The following ZNF407 variants were observed in gnomAD, a reference collection of about 807,000 sequenced individuals.
ZNF407 encodes zinc finger protein 407.
ZNF407 carries 17 observed loss-of-function variants against 131.2 expected under a neutral mutation model. The observed-to-expected ratio is 0.13, with a 90% CI of 0.09 to 0.19. The LOEUF (loss-of-function observed/expected upper bound fraction) is 0.19. Among genes scored for constraint, ZNF407 ranks in the 10% least tolerant of loss-of-function variants. The probability of loss-of-function intolerance (pLI) is 1.00; values close to 1 mark genes in which losing one functional copy is unlikely to be tolerated. For missense variants in ZNF407, 2,681 were observed against 2,830.6 expected, an observed-to-expected ratio of 0.95 and a Z score of 1.20; for synonymous variants, 1,156 against 1,062.0, an observed-to-expected ratio of 1.09 and a Z score of -1.72.
intron 4 of ZNF407, among the ~76,000 whole-genome samples, chr18:74,835,270 G>C (rs1265280854): frequency 1.3e-5 from 2 of 152,162 alleles, no homozygotes; most frequent in Non-Finnish European, 2.9e-5. Context: ...AGGTCCAATA[G>C]TTTAAACTGA....
intron 6 of ZNF407, among the ~76,000 whole-genome samples, chr18:74,883,315 A>G (rs1027001659): frequency 2.0e-5 from 3 of 152,242 alleles, no homozygotes; most frequent in Non-Finnish European, 4.4e-5. Flanking sequence ...TGCTGGATTT[A>G]AAATATTTAA....
At chr18:74,703,000 G>C (rs1052817629) in intron 3 of ZNF407, among the ~76,000 whole-genome samples, 1 of 152,210 alleles carries the variant, frequency 6.6e-6, no homozygotes, top group African/African-American at 2.4e-5. Flanking sequence ...TTCAGACCCT[G>C]ATGGTATAGG....
chr18:74,844,680 G>A (rs936176932), intron 4 of ZNF407, among the ~76,000 whole-genome samples: 2 of 151,922 alleles, frequency 1.3e-5, no homozygotes, highest in African/African-American at 4.8e-5. Context: ...ATATAAATTT[G>A]TAAAAATTAC....
intron 7 of ZNF407, among the ~76,000 whole-genome samples, chr18:74,918,214 G>A (rs1971798549): frequency 6.6e-6 from 1 of 152,160 alleles, no homozygotes; most frequent in African/African-American, 2.4e-5. Flanking sequence ...GAATGTGCTA[G>A]TGTCTCTGAT....
intron 3 of ZNF407, among the ~76,000 whole-genome samples, chr18:74,731,747 C>T (rs1450040118): frequency 1.3e-5 from 2 of 152,024 alleles, no homozygotes; most frequent in African/African-American, 4.8e-5. Flanking sequence ...GAGTGAGTGT[C>T]AAAGTCCAGG....
At chr18:74,612,718 T>G (rs977075715) in intron 1 of ZNF407, among the ~76,000 whole-genome samples, 7 of 152,206 alleles carry the variant, frequency 4.6e-5, no homozygotes, top group African/African-American at 1.7e-4. Context: ...CATCTTGCAG[T>G]GACTCTGTGG....
intron 8 of ZNF407, among the ~76,000 whole-genome samples, chr18:74,947,121 C>G (rs898344846): frequency 2.6e-5 from 4 of 152,084 alleles, no homozygotes; most frequent in Non-Finnish European, 5.9e-5. Flanking sequence ...ATGCTGAAAC[C>G]GTTCAGTTCA....
At chr18:74,981,258 C>T (rs1422541433) in intron 8 of ZNF407, among the ~76,000 whole-genome samples, 4 of 152,186 alleles carry the variant, frequency 2.6e-5, no homozygotes, top group African/African-American at 7.2e-5. Flanking sequence ...AGGCGGGGCA[C>T]GGGCAGCGGT....
intron 2 of ZNF407, among the ~76,000 whole-genome samples, chr18:74,637,570 A>G (rs1262774571): frequency 6.6e-6 from 1 of 152,054 alleles, no homozygotes; most frequent in Non-Finnish European, 1.5e-5. Flanking sequence ...AAACACTACC[A>G]AGAGCCCTGT....
At chr18:74,920,009 C>T (rs1212816016) in intron 7 of ZNF407, among the ~76,000 whole-genome samples, 1 of 152,196 alleles carries the variant, frequency 6.6e-6, no homozygotes, top group Non-Finnish European at 1.5e-5. Flanking sequence ...TGCCCAAATA[C>T]TGGAGTTGAG....
chr18:74,673,380 C>A (rs1050180130), intron 3 of ZNF407, among the ~76,000 whole-genome samples: 1 of 152,188 alleles, frequency 6.6e-6, no homozygotes, highest in Non-Finnish European at 1.5e-5. Context: ...CTTGTCCAGG[C>A]GTTTGTGCTC....
intron 8 of ZNF407, among the ~76,000 whole-genome samples, chr18:75,013,484 C>CT (rs939114934): frequency 6.6e-6 from 1 of 151,976 alleles, no homozygotes; most frequent in African/African-American, 2.4e-5. Context: ...GAGGTTTTGT[C>CT]TAAGAGAGAA....
At chr18:74,663,063 A>G (rs1408292048) in intron 3 of ZNF407, among the ~76,000 whole-genome samples, 1 of 152,128 alleles carries the variant, frequency 6.6e-6, no homozygotes, top group East Asian at 1.9e-4. Flanking sequence ...GTTTGGGGAG[A>G]GCATTTTTTG....
chr18:74,777,116 T>C (rs944684604), intron 3 of ZNF407, among the ~76,000 whole-genome samples: 1 of 152,152 alleles, frequency 6.6e-6, no homozygotes, highest in Non-Finnish European at 1.5e-5. Flanking sequence ...GACTCTCAAA[T>C]TGAAATAATT....
At chr18:74,622,040 A>G (rs1475929776) in intron 1 of ZNF407, among the ~76,000 whole-genome samples, 5 of 152,002 alleles carry the variant, frequency 3.3e-5, no homozygotes, top group Admixed American at 2.6e-4. Context: ...AGTTTGTACA[A>G]CTTGCAGTTG....
chr18:74,765,057 C>A (rs1404547110), intron 3 of ZNF407, among the ~76,000 whole-genome samples: 2 of 152,032 alleles, frequency 1.3e-5, no homozygotes, highest in African/African-American at 4.8e-5. Context: ...AGTTCCAATT[C>A]TTGTTGTTCA....
In ZNF407 at chr18:74,747,985, A is replaced by G. The variant is rs1274537769; in HGVS notation, c.4803-33443A>G. Reference sequence around the variant, plus strand: ...GTCAAGAATTATCAACTACAGTTCTACATAGGAAATAGTTAAATGTTCTAG... The same window carrying G: ...GTCAAGAATTATCAACTACAGTTCTGCATAGGAAATAGTTAAATGTTCTAG... On this transcript the variant is annotated intron_variant, in intron 3 of 8. Coordinates refer to ENST00000299687, the MANE Select transcript of ZNF407 (RefSeq NM_017757.3). 3.9e-5 allele frequency among the ~76,000 whole-genome samples: 6 copies of G among 152,170 alleles called. No homozygotes were observed. In the East Asian group the frequency reaches 5.8e-4, roughly 15 times the overall value.
chr18:74,836,119 C>CA (rs1391256162), intron 4 of ZNF407, among the ~76,000 whole-genome samples: 1 of 151,498 alleles, frequency 6.6e-6, no homozygotes, highest in Non-Finnish European at 1.5e-5. Flanking sequence ...AAATGAAGGA[C>CA]AAAAAATAGG....
chr18:74,630,914 A>C, intron 1 of ZNF407, 53 bp from the exon 2 acceptor site: 1 of 1,330,574 alleles, frequency 7.5e-7, no homozygotes, highest in Non-Finnish European at 1.0e-6. Flanking sequence ...GTTTTAGACT[A>C]ATACGTGTGT....
Sources: allele counts gnomAD v4.1 joint callset (sites outside exome capture counted in the v4.1 genomes callset), GRCh38; gene constraint gnomAD v4.1.1; transcripts MANE v1.5; gene names NCBI Gene and HGNC (gene_info 2026-07-23, HGNC 2026-07-21).